The following PUDP variants were observed in gnomAD, a reference collection of about 807,000 sequenced individuals.
PUDP encodes the protein pseudouridine 5'-phosphatase, also known as pseudouridine-5'-phosphatase.
In PUDP, 8 loss-of-function variants were observed where a neutral mutation model predicts 9.4. That is an observed-to-expected ratio of 0.85 (90% CI 0.50 to 1.53). The LOEUF is 1.53. Among genes scored for constraint, PUDP ranks in the 40% most tolerant of loss-of-function variants. The pLI, the probability that PUDP is intolerant of heterozygous loss-of-function variation, is 0.00. For synonymous variants in PUDP, 99 were observed against 80.7 expected (o/e 1.23, Z -1.22); for missense variants, 188 against 189.7 (o/e 0.99, Z 0.05).
intron 3 of PUDP, among the ~76,000 whole-genome samples, chrX:6,817,823 T>C (rs1764078399): frequency 8.9e-6 from 1 of 111,917 alleles, no homozygotes; most frequent in African/African-American, 3.2e-5. Context: ...ATGGCTCTTC[T>C]CATATCTCAT....
intron 3 of PUDP, among the ~76,000 whole-genome samples, chrX:6,971,032 T>C (rs1255324714): frequency 1.8e-5 from 2 of 109,844 alleles, no homozygotes; most frequent in Non-Finnish European, 3.8e-5. Context: ...GCCTGGGTGA[T>C]AGAGCAAGAC....
At chrX:6,777,394 A>G (rs954717346) in intron 3 of PUDP, among the ~76,000 whole-genome samples, 2 of 111,978 alleles carry the variant, frequency 1.8e-5, no homozygotes, top group African/African-American at 6.5e-5. Flanking sequence ...TCACTCCCAG[A>G]GGACTCCCCC....
chrX:6,937,610 A>T (rs2146774402), intron 3 of PUDP, among the ~76,000 whole-genome samples: 1 of 100,492 alleles, frequency 1.0e-5, no homozygotes, highest in Non-Finnish European at 2.0e-5. Flanking sequence ...AGCAATGGCA[A>T]CAAAAGACAA....
intron 3 of PUDP, among the ~76,000 whole-genome samples, chrX:6,757,175 C>A (rs896857117): frequency 9.8e-5 from 11 of 111,689 alleles, no homozygotes; most frequent in African/African-American, 3.6e-4. Context: ...GCATTGGGTT[C>A]ATGTAAATTG....
chrX:7,091,032 A>G (rs1349065440), intron 2 of PUDP, among the ~76,000 whole-genome samples: 2 of 112,224 alleles, frequency 1.8e-5, no homozygotes, highest in African/African-American at 3.2e-5. Context: ...TTACGTTGAT[A>G]TGAGAAAGAA....
chrX:6,857,826 C>T (rs757708340), intron 3 of PUDP, among the ~76,000 whole-genome samples: 9 of 112,066 alleles, frequency 8.0e-5, no homozygotes, highest in African/African-American at 2.9e-4. Context: ...GTTGAACACT[C>T]ACCCTGTGCC....
chrX:6,803,122 C>CAAAAT (rs1569102377), intron 3 of PUDP, among the ~76,000 whole-genome samples: 3 of 90,672 alleles, frequency 3.3e-5, no homozygotes, highest in African/African-American at 7.8e-5. Context: ...TAAAATAAAA[C>CAAAAT]AAAATAAAAT....
At chrX:7,010,107 G>C (rs944517131) in intron 1 of PUDP, among the ~76,000 whole-genome samples, 1 of 111,727 alleles carries the variant, frequency 9.0e-6, no homozygotes, top group Non-Finnish European at 1.9e-5. Flanking sequence ...ATCTTTCCTG[G>C]AATAGTCACT....
chrX:6,853,713 G>A (rs1431392637), intron 3 of PUDP, among the ~76,000 whole-genome samples: 2 of 111,500 alleles, frequency 1.8e-5, no homozygotes, highest in East Asian at 5.6e-4. Context: ...TCATATAAAT[G>A]AAATCATACA....
chrX:7,006,756 T>C (rs1348613761), intron 1 of PUDP, among the ~76,000 whole-genome samples: 2 of 111,384 alleles, frequency 1.8e-5, no homozygotes, highest in Non-Finnish European at 3.8e-5. Flanking sequence ...GTGTGACTGC[T>C]CTCTGCTAAA....
intron 3 of PUDP, among the ~76,000 whole-genome samples, chrX:6,871,571 G>C (rs1261883772): frequency 9.0e-6 from 1 of 111,519 alleles, no homozygotes; most frequent in Non-Finnish European, 1.9e-5. Context: ...TTGACCTGTT[G>C]TTCTTAAGAA....
At chrX:6,944,547 G>C (rs1297080742) in intron 3 of PUDP, among the ~76,000 whole-genome samples, 1 of 101,642 alleles carries the variant, frequency 9.8e-6, no homozygotes, top group Non-Finnish European at 2.0e-5. Context: ...TTCCTTCAAG[G>C]GAAATTCCAG....
At chrX:6,882,682 C>T (rs537075619) in intron 3 of PUDP, among the ~76,000 whole-genome samples, 116 of 110,937 alleles carry the variant, frequency 1.0e-3, no homozygotes, top group Middle Eastern at 4.6e-3. Flanking sequence ...GGAAAGACAA[C>T]GACTATATCA....
intron 3 of PUDP, among the ~76,000 whole-genome samples, chrX:6,740,045 T>G (rs1323123625): frequency 2.7e-5 from 3 of 111,727 alleles, no homozygotes; most frequent in Non-Finnish European, 5.6e-5. Context: ...AGGGTAATTT[T>G]TACTATTCCC....
At chrX:6,862,857 T>C (rs1173963982) in intron 3 of PUDP, among the ~76,000 whole-genome samples, 1 of 111,292 alleles carries the variant, frequency 9.0e-6, no homozygotes, top group Admixed American at 9.6e-5. Context: ...CTCACAATAT[T>C]AATTAAAGAC....
intron 3 of PUDP, among the ~76,000 whole-genome samples, chrX:6,766,902 A>T (rs1475817850): frequency 1.8e-5 from 2 of 112,440 alleles, no homozygotes; most frequent in African/African-American, 6.5e-5. Context: ...ATTATCTCAA[A>T]ATAAAATGTT....
At chrX:6,939,951 G>A (rs1206279171) in intron 3 of PUDP, among the ~76,000 whole-genome samples, 2 of 112,432 alleles carry the variant, frequency 1.8e-5, no homozygotes, top group African/African-American at 3.2e-5. Context: ...TTTTCAAAAT[G>A]AAAAGGCTTG....
chrX:6,724,501 C>CAAA (rs1170392595), upstream of PUDP, among the ~76,000 whole-genome samples: 11 of 45,429 alleles, frequency 2.4e-4, no homozygotes, highest in Admixed American at 5.8e-4. Context: ...ATTCTCTCTC[C>CAAA]AAAAAAAAAA....
At chrX:7,120,034 G>A (rs1932297693) in intron 1 of PUDP, among the ~76,000 whole-genome samples, 1 of 111,384 alleles carries the variant, frequency 9.0e-6, no homozygotes, top group South Asian at 3.8e-4. Flanking sequence ...ACAGACTGAG[G>A]GAAAATATTT....
Sources: allele counts gnomAD v4.1 joint callset (sites outside exome capture counted in the v4.1 genomes callset), GRCh38; gene constraint gnomAD v4.1.1; transcripts MANE v1.5; gene names NCBI Gene and HGNC (gene_info 2026-07-23, HGNC 2026-07-21).